The following SCFD1 variants were observed in gnomAD, a reference collection of about 807,000 sequenced individuals.
SCFD1 encodes sec1 family domain containing 1, also known as sec1 family domain-containing protein 1.
SCFD1 carries 37 observed loss-of-function variants against 103.2 expected under a neutral mutation model. That is an observed-to-expected ratio of 0.36 (90% CI 0.28 to 0.47). The LOEUF (loss-of-function observed/expected upper bound fraction) is 0.47. Among genes scored for constraint, SCFD1 ranks in the 20% least tolerant of loss-of-function variants. The pLI is 1.00. For synonymous variants in SCFD1, 264 were observed against 245.0 expected (o/e 1.08, Z -0.73); for missense variants, 639 against 761.2 (o/e 0.84, Z 1.89).
chr14:30,646,597 C>G (rs1885852390), intron 7 of SCFD1, among the ~76,000 whole-genome samples: 1 of 151,986 alleles, frequency 6.6e-6, no homozygotes, highest in Non-Finnish European at 1.5e-5. Flanking sequence ...TGTTGTGTCT[C>G]TGCTAGGTTT....
intron 15 of SCFD1, among the ~76,000 whole-genome samples, chr14:30,696,603 G>A (rs765416144): frequency 1.3e-5 from 2 of 152,210 alleles, no homozygotes. Context: ...ATAGAGGGAG[G>A]ATTAGTAATC....
At position 30,638,142 on chromosome 14, in the gene SCFD1, A is replaced by G. The variant is rs201665906; in HGVS notation, c.330A>G (p.Leu110=). 14 of 1,609,246 alleles carry G rather than the reference A, an allele frequency of 8.7e-6. No individual in the cohort carries two copies. Among genetic ancestry groups the G allele is most frequent in the East Asian group, 2.2e-5 (1 of 44,616 alleles). ...ATTGATAGGATCTTCGAAATCAACT[A>G]TATGAATCATATTATTTAAATTTTA... The part of the protein sequence containing the change: ...DRMCQDLRNQ[L]YESYYLNFIS... The change falls in exon 5 of 25, where the codon CTA becomes CTG. Residue 110 remains leucine (L), a synonymous_variant. Transcript: ENST00000458591.
chr14:30,628,579 G>T (rs1300966416), intron 2 of SCFD1, among the ~76,000 whole-genome samples: 1 of 152,142 alleles, frequency 6.6e-6, no homozygotes, highest in Non-Finnish European at 1.5e-5. Flanking sequence ...TCCAGACTTT[G>T]GATTTTATAA....
chr14:30,667,525 T>C (rs1888102998), intron 10 of SCFD1, among the ~76,000 whole-genome samples: 1 of 152,196 alleles, frequency 6.6e-6, no homozygotes. Flanking sequence ...TCACCACTCT[T>C]ATTCAACATA....
At chr14:30,719,402 C>T (rs1381889746) in intron 21 of SCFD1, 25 bp downstream of exon 21, 5 of 1,578,430 alleles carry the variant, frequency 3.2e-6, no homozygotes, top group Non-Finnish European at 4.3e-6. Flanking sequence ...TCTTGTTTAA[C>T]TTGTGGATTT....
At chr14:30,638,818 T>C (rs1477536187) in intron 5 of SCFD1, among the ~76,000 whole-genome samples, 1 of 152,190 alleles carries the variant, frequency 6.6e-6, no homozygotes, top group African/African-American at 2.4e-5. Context: ...CAGGTTATAA[T>C]CCTGTAATGC....
At chr14:30,644,343 A>G (rs1473601995) in intron 7 of SCFD1, among the ~76,000 whole-genome samples, 1 of 152,128 alleles carries the variant, frequency 6.6e-6, no homozygotes, top group Non-Finnish European at 1.5e-5. Context: ...AGAATGAGTT[A>G]TATTCTTTTG....
intron 6 of SCFD1, among the ~76,000 whole-genome samples, chr14:30,641,352 A>G (rs1216466859): frequency 6.6e-6 from 1 of 152,200 alleles, no homozygotes; most frequent in Non-Finnish European, 1.5e-5. Context: ...AGCAACTGTT[A>G]TCTCAAGTTG....
intron 23 of SCFD1, among the ~76,000 whole-genome samples, chr14:30,734,013 T>C (rs570661534): frequency 6.6e-6 from 1 of 152,276 alleles, no homozygotes; most frequent in East Asian, 1.9e-4. Flanking sequence ...GAAAAAAATA[T>C]GAGTTGTGGC....
chr14:30,683,881 T>C (rs548484613), intron 14 of SCFD1, among the ~76,000 whole-genome samples: 34 of 152,150 alleles, frequency 2.2e-4, no homozygotes, highest in Non-Finnish European at 4.3e-4. Flanking sequence ...GAATGGTTAT[T>C]GGGGATAGAA....
chr14:30,643,176 A>G, intron 6 of SCFD1, 140 bp from the exon 7 acceptor site: 1 of 695,266 alleles, frequency 1.4e-6, no homozygotes, highest in Admixed American at 2.5e-5. Context: ...CTGTCTGAAA[A>G]AAAAAAATTT....
rs1411222545 is a variant in SCFD1 at position 30,698,207 on chromosome 14, GCAGT to G, written c.1340-1978_1340-1975del. On this transcript the variant is annotated intron_variant, in intron 15 of 24. Transcript: ENST00000458591. ...GTAAGGGAATTCTAACTTTAAAGCA[GCAGT>G]CAAAGGAGAGAGGTGCGTGTGACAA... Among the ~76,000 whole-genome samples, 4 of 152,304 alleles carry G rather than the reference GCAGT, an allele frequency of 2.6e-5. No individual in the cohort carries two copies. In the East Asian group the frequency reaches 5.8e-4, roughly 22 times the overall value.
At chr14:30,639,980 C>A in intron 6 of SCFD1, 116 bp downstream of exon 6, 1 of 1,177,054 alleles carries the variant, frequency 8.5e-7, no homozygotes, top group Non-Finnish European at 1.1e-6. Flanking sequence ...AGCAGTAGAG[C>A]TATAGAAGCT....
At chr14:30,622,454 TCTC>T (rs1282536073) in intron 1 of SCFD1, 55 bp downstream of exon 1, 16 of 1,546,298 alleles carry the variant, frequency 1.0e-5, no homozygotes, top group African/African-American at 8.2e-5. Flanking sequence ...ACGACATCCT[TCTC>T]CTCTGGTGCG....
intron 10 of SCFD1, among the ~76,000 whole-genome samples, chr14:30,661,255 C>G (rs952947307): frequency 8.5e-5 from 13 of 152,246 alleles, no homozygotes; most frequent in African/African-American, 2.9e-4. Context: ...AATCCTTGCT[C>G]TACTCGAGTT....
At chr14:30,710,450 A>G (rs1384176330) in intron 19 of SCFD1, among the ~76,000 whole-genome samples, 2 of 151,568 alleles carry the variant, frequency 1.3e-5, no homozygotes, top group East Asian at 1.9e-4. Flanking sequence ...GTATAGTTCA[A>G]TGTAGTCTTT....
At chr14:30,633,844 A>G in intron 3 of SCFD1, 103 bp from the exon 4 acceptor site, 2 of 550,682 alleles carry the variant, frequency 3.6e-6, no homozygotes. Flanking sequence ...AAGAGCTTTT[A>G]GAGCACTGGT....
At chr14:30,712,600 A>G (rs1415876538) in intron 19 of SCFD1, among the ~76,000 whole-genome samples, 1 of 152,234 alleles carries the variant, frequency 6.6e-6, no homozygotes, top group East Asian at 1.9e-4. Flanking sequence ...TCCGGTGACT[A>G]AAATCATAAA....
chr14:30,628,066 T>TA, intron 1 of SCFD1, 143 bp from the exon 2 acceptor site: 2 of 565,068 alleles, frequency 3.5e-6, no homozygotes, highest in Non-Finnish European at 6.3e-6. Flanking sequence ...ATCTGACCCC[T>TA]AGTTCTACAC....
Sources: allele counts gnomAD v4.1 joint callset (sites outside exome capture counted in the v4.1 genomes callset), GRCh38; gene constraint gnomAD v4.1.1; transcripts MANE v1.5; gene names NCBI Gene and HGNC (gene_info 2026-07-23, HGNC 2026-07-21).